The following C8orf74 variants were observed in gnomAD, a reference collection of about 807,000 sequenced individuals.
C8orf74 encodes the protein uncharacterized protein C8orf74.
C8orf74 carries 29 observed loss-of-function variants against 22.2 expected under a neutral mutation model. The observed-to-expected ratio is 1.31, with a 90% CI of 0.97 to 1.78. The LOEUF (loss-of-function observed/expected upper bound fraction) is 1.78. C8orf74 is among the 40% of genes most tolerant of loss of function. C8orf74 has a pLI of 0.00. For missense variants in C8orf74, 515 were observed against 369.9 expected (o/e 1.39, Z -3.22); for synonymous variants, 255 against 163.1 (o/e 1.56, Z -4.30).
intron 2 of C8orf74, among the ~76,000 whole-genome samples, chr8:10,683,151 G>A (rs767743531): frequency 6.6e-6 from 1 of 152,194 alleles, no homozygotes; most frequent in Non-Finnish European, 1.5e-5. Flanking sequence ...GAGTGCAGAC[G>A]GAGCAACACC....
rs1799635465 is a variant in C8orf74 at position 10,700,522 on chromosome 8, A to G, written c.*51A>G. On this transcript the variant is annotated 3_prime_UTR_variant, in exon 4 of 4. Coordinates refer to ENST00000304519, the MANE Select transcript of C8orf74 (RefSeq NM_001040032.2). Reference sequence around the variant, plus strand: ...GACTGGGGACCAGCCACCCATAACCATGAGCCTTGCGGCACGGTGAGCTCA... The same window carrying G: ...GACTGGGGACCAGCCACCCATAACCGTGAGCCTTGCGGCACGGTGAGCTCA... The G allele has an allele frequency of 2.5e-6, 3 of 1,217,800 alleles. No homozygotes were observed. The highest frequency in any genetic ancestry group is 5.2e-5 in the Admixed American group (2 of 38,414). 75.4% of individuals were successfully genotyped at this position (1,217,800 alleles called of 1,614,324 possible). A position where few individuals can be genotyped will look rare whatever the true frequency, so the allele number is the denominator to read the frequency against.
At chr8:10,679,831 A>G (rs1799110855) in intron 2 of C8orf74, 1 of 152,836 alleles carries the variant, frequency 6.5e-6, no homozygotes, top group Non-Finnish European at 1.5e-5. Context: ...CCCTGTGATG[A>G]CTGCCTTGTC....
chr8:10,694,902 G>A (rs552293081), intron 2 of C8orf74, among the ~76,000 whole-genome samples: 43 of 152,024 alleles, frequency 2.8e-4, no homozygotes, highest in African/African-American at 9.2e-4. Context: ...ATGGATGGAC[G>A]AATGGATGGG....
rs374781204 is a variant in C8orf74 at position 10,697,855 on chromosome 8, G to A, written c.498G>A (p.Gln166=). 2.1e-5 allele frequency: 34 copies of A among 1,613,480 alleles called. No individual in the cohort carries two copies. In the Admixed American group the frequency reaches 5.5e-4, roughly 26 times the overall value. The change falls in exon 3 of 4, where the codon CAG becomes CAA. Residue 166 remains glutamine, a synonymous_variant. Coordinates refer to ENST00000304519, the MANE Select transcript of C8orf74 (RefSeq NM_001040032.2). ...ACAGGGACTTGTGGATCCACGAGCA[G>A]CAGGTGGCCACACTGACGGAGGCCG... ...GMDRDLWIHE[Q]QVATLTEAEA...
intron 2 of C8orf74, among the ~76,000 whole-genome samples, chr8:10,677,613 A>C (rs1358227242): frequency 6.6e-6 from 1 of 151,844 alleles, no homozygotes; most frequent in Non-Finnish European, 1.5e-5. Flanking sequence ...ATTCCCATAG[A>C]CCCTGCCCCC....
intron 2 of C8orf74, 77 bp from the exon 3 acceptor site, chr8:10,697,522 G>T (rs1301432202): frequency 7.8e-7 from 1 of 1,282,976 alleles, no homozygotes; most frequent in Admixed American, 1.9e-5. Context: ...GGCTGTCGGG[G>T]TGCAGAGCCC....
chr8:10,680,152 C>T (rs999212262), intron 2 of C8orf74, among the ~76,000 whole-genome samples: 5 of 152,184 alleles, frequency 3.3e-5, no homozygotes, highest in Admixed American at 6.5e-5. Flanking sequence ...CTGGTCTTGC[C>T]CCAGTGACGC....
chr8:10,693,709 G>C (rs28685590), intron 2 of C8orf74, among the ~76,000 whole-genome samples: 1 of 152,100 alleles, frequency 6.6e-6, no homozygotes, highest in South Asian at 2.1e-4. Flanking sequence ...CTCTCTGTTG[G>C]TAGGCCCACT....
intron 1 of C8orf74, 109 bp downstream of exon 1, chr8:10,672,822 G>A (rs570757720): frequency 2.8e-5 from 26 of 915,038 alleles, no homozygotes; most frequent in South Asian, 1.9e-4. Context: ...CAGCCACCCC[G>A]GCTCAGCACA....
At chr8:10,688,042 T>G (rs1586042865) in intron 2 of C8orf74, among the ~76,000 whole-genome samples, 1 of 151,966 alleles carries the variant, frequency 6.6e-6, no homozygotes, top group Middle Eastern at 3.4e-3. Context: ...CTGTGTCTAC[T>G]AAAAATACAA....
intron 3 of C8orf74, 94 bp from the exon 4 acceptor site, chr8:10,700,141 G>A (rs1270713886): frequency 3.8e-6 from 3 of 790,982 alleles, no homozygotes; most frequent in Non-Finnish European, 6.0e-6. Flanking sequence ...ATGGACAGTG[G>A]ACACATTCTC....
chr8:10,678,754 A>C (rs1446552014), intron 2 of C8orf74, among the ~76,000 whole-genome samples: 1 of 152,148 alleles, frequency 6.6e-6, no homozygotes, highest in Non-Finnish European at 1.5e-5. Context: ...GGGAGAGAGT[A>C]GGCAGCGGAG....
intron 2 of C8orf74, 46 bp from the exon 3 acceptor site, chr8:10,697,553 C>A: frequency 1.3e-6 from 2 of 1,565,304 alleles, no homozygotes; most frequent in East Asian, 2.2e-5. Flanking sequence ...CCTGGCAGGG[C>A]AGCTCTGTCC....
intron 2 of C8orf74, chr8:10,689,754 A>T (rs770482195): frequency 2.0e-5 from 3 of 152,232 alleles, no homozygotes; most frequent in Non-Finnish European, 4.4e-5. Context: ...GGCTGAAGAA[A>T]AGAAAGTATT....
chr8:10,689,869 G>C (rs1799337441), intron 2 of C8orf74: 1 of 152,220 alleles, frequency 6.6e-6, no homozygotes, highest in Non-Finnish European at 1.5e-5. Context: ...GAGGCGGAGG[G>C]GGAGGAAGAG....
At chr8:10,696,310 C>A (rs1331090834) in intron 2 of C8orf74, among the ~76,000 whole-genome samples, 2 of 152,092 alleles carry the variant, frequency 1.3e-5, no homozygotes, top group Non-Finnish European at 2.9e-5. Context: ...GCCCTCAGAG[C>A]CAATCCTTTG....
rs1278477404 is a variant in C8orf74, at chr8:10,700,582, A to G, written c.*111A>G. On this transcript the variant is annotated 3_prime_UTR_variant, in exon 4 of 4. Coordinates refer to ENST00000304519, the MANE Select transcript of C8orf74 (RefSeq NM_001040032.2). ...GAGAGACTTCTTGTGATTAAAAGAAACAAACCCATGCCATCATCTGGTCTC... is the reference window on the plus strand; with the variant it reads ...GAGAGACTTCTTGTGATTAAAAGAAGCAAACCCATGCCATCATCTGGTCTC... The G allele has an allele frequency of 6.1e-6, 4 of 653,706 alleles. No homozygotes were observed. The highest frequency in any genetic ancestry group is 1.0e-5 in the Non-Finnish European group (4 of 390,854). 40.5% of individuals were successfully genotyped at this position (653,706 alleles called of 1,614,324 possible).
intron 2 of C8orf74, among the ~76,000 whole-genome samples, chr8:10,693,394 A>G (rs1056849477): frequency 1.3e-5 from 2 of 152,128 alleles, no homozygotes; most frequent in African/African-American, 4.8e-5. Flanking sequence ...GTGCAGAGCT[A>G]GATATCTGTG....
At chr8:10,696,441 CTTTTTTTTTTTTT>C (rs546082377) in intron 2 of C8orf74, among the ~76,000 whole-genome samples, 1 of 102,442 alleles carries the variant, frequency 9.8e-6, no homozygotes, top group African/African-American at 4.3e-5. Flanking sequence ...CTTTTCTTTT[CTTTTTTTTTTTTT>C]TTTTTTTTTG....
Sources: gnomAD v4.1 joint callset for allele counts (sites outside exome capture counted in the v4.1 genomes callset) on GRCh38, gnomAD v4.1.1 for gene constraint, MANE v1.5 for transcripts, NCBI Gene and HGNC (gene_info 2026-07-23, HGNC 2026-07-21) for gene names.